The following TTI1 variants were observed in gnomAD, a reference collection of about 807,000 sequenced individuals.
The protein encoded by TTI1 is TELO2-interacting protein 1 homolog.
In TTI1, 52 loss-of-function variants were observed where a neutral mutation model predicts 85.4. The observed-to-expected ratio is 0.61, with a 90% CI of 0.49 to 0.77. The LOEUF (loss-of-function observed/expected upper bound fraction) is 0.77, where lower values mean the gene tolerates loss of function less well. Ranked by LOEUF, TTI1 falls within the 30% of genes least tolerant of loss-of-function variation. The pLI, the probability that TTI1 is intolerant of heterozygous loss-of-function variation, is 0.00. For synonymous variants in TTI1, 512 were observed against 503.9 expected, an observed-to-expected ratio of 1.02 and a Z score of -0.22; for missense variants, 1,173 against 1,296.0, an observed-to-expected ratio of 0.91 and a Z score of 1.46.
chr20:38,010,061 C>G (rs897734150), intron 2 of TTI1, among the ~76,000 whole-genome samples: 10 of 152,184 alleles, frequency 6.6e-5, no homozygotes, highest in Admixed American at 2.0e-4. Flanking sequence ...GTTTATTCGT[C>G]TTTTTCTCTG....
At position 38,011,595 on chromosome 20, in the gene TTI1, A is replaced by G; in HGVS notation, c.2222T>C (p.Val741Ala). ...LPLVADVVQD[V>A]LATLDQFYDK... ...GTAAAATTGGTCCAGGGTGGCCAAG[A>G]CATCTTGAACCACATCTGCCACCAA... Residue 741 changes from valine (V) to alanine (A), a missense_variant, in exon 2 of 8, where the codon GTC (valine) becomes GCC (alanine). Coordinates refer to ENST00000373447, the MANE Select transcript of TTI1 (RefSeq NM_001303457.2). 6.2e-7 allele frequency: 1 copy of G among 1,614,242 alleles called. No individual in the cohort carries two copies. The highest frequency in any genetic ancestry group is 8.5e-7 in the Non-Finnish European group (1 of 1,180,036).
At chr20:38,009,584 C>T (rs1028922725) in intron 2 of TTI1, among the ~76,000 whole-genome samples, 1 of 152,010 alleles carries the variant, frequency 6.6e-6, no homozygotes, top group Non-Finnish European at 1.5e-5. Context: ...TGGCTCACTG[C>T]AGCCCTGACC....
chr20:38,010,138 AG>A (rs1366662327), intron 2 of TTI1, among the ~76,000 whole-genome samples: 1 of 152,244 alleles, frequency 6.6e-6, no homozygotes, highest in Non-Finnish European at 1.5e-5. Flanking sequence ...TGAATGAAAA[AG>A]GAACATTTAT....
intron 4 of TTI1, among the ~76,000 whole-genome samples, chr20:38,000,010 G>A (rs2073398440): frequency 1.3e-5 from 2 of 152,220 alleles, no homozygotes; most frequent in Non-Finnish European, 2.9e-5. Context: ...GAAACAAAGA[G>A]GCCCTTTAGG....
Position 37,993,414 on chromosome 20 carries a change from A to G in TTI1, c.3086+2961T>C, listed in dbSNP as rs149780900. ...AGGCTATATTTAATATGGCAAATTA[A>G]AAAAGCAAACACTGGTTTGGTCATT... On this transcript the variant is annotated intron_variant, in intron 7 of 7. Coordinates refer to ENST00000373447, the MANE Select transcript of TTI1 (RefSeq NM_001303457.2). Among the ~76,000 whole-genome samples, 1,217 of 152,304 alleles carry G rather than the reference A, an allele frequency of 8.0e-3. 7 individuals are homozygous for G. Among genetic ancestry groups the G allele is most frequent in the African/African-American group, 0.023 (951 of 41,562 alleles).
chr20:38,020,350 A>ATATATATATG lies in TTI1; in HGVS notation c.-41-6494_-41-6493insCATATATATA, dbSNP rs1487473454. 2.4e-4 allele frequency among the ~76,000 whole-genome samples: 30 copies of ATATATATATG among 125,834 alleles called. 1 individual carries two copies. The East Asian group carries it at 3.5e-3, about 15-fold the overall frequency. 82.6% of individuals were successfully genotyped at this position (125,834 alleles called of 152,430 possible). A position where few individuals can be genotyped will look rare whatever the true frequency, so the allele number is the denominator to read the frequency against. ...TATATATATATATATATATATATAT[A>ATATATATATG]TATGTATGTATCTTGATTCCATCAC... is the stretch of plus-strand genomic sequence containing the variant. On this transcript the variant is annotated intron_variant, in intron 1 of 7. Transcript: ENST00000373447.
Position 38,011,936 on chromosome 20 carries a change from T to G in TTI1, c.1881A>C (p.Ile627=). ...ICSMNSNIWQ[I]CIQLEGIGQF... is the part of the protein sequence containing the mutation. ...GGCCAATTCCTTCCAACTGAATGCA[T>G]ATTTGCCAGATGTTACTGTTCATGG... Residue 627 remains isoleucine, a synonymous_variant, in exon 2 of 8, where the codon ATA becomes ATC. Coordinates refer to ENST00000373447, the MANE Select transcript of TTI1 (RefSeq NM_001303457.2). 6.2e-7 allele frequency: 1 copy of G among 1,614,254 alleles called. No individual in the cohort carries two copies. Among genetic ancestry groups the G allele is most frequent in the South Asian group, 1.1e-5 (1 of 91,088 alleles).
intron 1 of TTI1, 35 bp from the exon 2 acceptor site, chr20:38,013,892 G>C: frequency 1.3e-6 from 2 of 1,524,672 alleles, no homozygotes; most frequent in Non-Finnish European, 1.7e-6. Context: ...AAAATGTCAA[G>C]TTCAAAGCAA....
chr20:38,010,984 T>C (rs1158895995), intron 2 of TTI1, among the ~76,000 whole-genome samples: 2 of 152,216 alleles, frequency 1.3e-5, no homozygotes, highest in African/African-American at 4.8e-5. Flanking sequence ...ACGAACCACA[T>C]GTGTATAGTG....
intron 7 of TTI1, among the ~76,000 whole-genome samples, chr20:37,985,662 G>C (rs1600596794): frequency 6.6e-6 from 1 of 151,958 alleles, no homozygotes; most frequent in South Asian, 2.1e-4. Flanking sequence ...TGAGTAGCTG[G>C]GATTACAGGC....
In TTI1 at chr20:38,012,407, G is replaced by A; in HGVS notation, c.1410C>T (p.Arg470=). 6.2e-7 allele frequency: 1 copy of A among 1,614,214 alleles called. No individual in the cohort carries two copies. Among genetic ancestry groups the A allele is most frequent in the East Asian group, 2.2e-5 (1 of 44,890 alleles). Residue 470 remains arginine (R), a synonymous_variant, in exon 2 of 8, where the codon CGC becomes CGT. Coordinates refer to ENST00000373447, the MANE Select transcript of TTI1 (RefSeq NM_001303457.2). ...AGAAGCGGAAATATCTCCTCTGGAT[G>A]CGGTTCCAAGGCTGTGTGGCTGAGG... is the stretch of plus-strand genomic sequence containing the variant. ...PKTSATQPWN[R]IQRRYFRFFT...
intron 4 of TTI1, 124 bp downstream of exon 4, chr20:38,002,504 C>T: frequency 7.7e-7 from 1 of 1,306,170 alleles, no homozygotes; most frequent in Non-Finnish European, 1.0e-6. Flanking sequence ...GATGCCTTCT[C>T]TTGGCCACCA....
intron 2 of TTI1, 69 bp downstream of exon 2, chr20:38,011,446 A>G (rs147336295): frequency 1.1e-5 from 17 of 1,536,018 alleles, no homozygotes; most frequent in Non-Finnish European, 8.8e-7. Context: ...GCAAAAAACG[A>G]GGCTAAGCAA....
intron 1 of TTI1, among the ~76,000 whole-genome samples, chr20:38,017,767 T>C (rs2073706324): frequency 6.6e-6 from 1 of 152,168 alleles, no homozygotes; most frequent in South Asian, 2.1e-4. Context: ...TGTGAAGTAG[T>C]GGTAGGCTAA....
At chr20:38,003,765 A>T in intron 3 of TTI1, among the ~76,000 whole-genome samples, 1 of 152,184 alleles carries the variant, frequency 6.6e-6, no homozygotes, top group East Asian at 1.9e-4. Flanking sequence ...AAAAAAAAAA[A>T]AAAGGGAGAG....
rs970715352 is a variant in TTI1 at position 37,999,420 on chromosome 20, G to A, written c.2653-92C>T. Reference sequence around the variant, plus strand: ...TTTTCAAAGAATAACATTTAGAAACGTATTAATTGGATAATTGTTTTCTGA... The same window carrying A: ...TTTTCAAAGAATAACATTTAGAAACATATTAATTGGATAATTGTTTTCTGA... On this transcript the variant is annotated intron_variant, in intron 4 of 7. Transcript: ENST00000373447. The A allele has an allele frequency of 1.0e-5, 13 of 1,268,086 alleles. No individual in the cohort carries two copies. In the African/African-American group the frequency reaches 1.2e-4, roughly 12 times the overall value. The allele number at this position is 1,268,086 out of a possible 1,614,324, so 78.6% of individuals were successfully genotyped here.
intron 1 of TTI1, among the ~76,000 whole-genome samples, chr20:38,025,268 T>G (rs1219195279): frequency 6.6e-6 from 1 of 152,110 alleles, no homozygotes; most frequent in Non-Finnish European, 1.5e-5. Flanking sequence ...GAACTCAGAC[T>G]GAATGAAAAA....
chr20:38,009,692 G>A (rs1057186612), intron 2 of TTI1, among the ~76,000 whole-genome samples: 9 of 151,976 alleles, frequency 5.9e-5, no homozygotes, highest in African/African-American at 1.7e-4. Flanking sequence ...TAGTAGAGAC[G>A]AGGCCATACT....
At chr20:38,015,346 A>AT (rs2073667250) in intron 1 of TTI1, among the ~76,000 whole-genome samples, 1 of 152,188 alleles carries the variant, frequency 6.6e-6, no homozygotes, top group African/African-American at 2.4e-5. Context: ...GAAGCCAGAG[A>AT]AGGGAAGAAG....
Sources: gnomAD v4.1 joint callset for allele counts (sites outside exome capture counted in the v4.1 genomes callset) on GRCh38, gnomAD v4.1.1 for gene constraint, MANE v1.5 for transcripts, NCBI Gene and HGNC (gene_info 2026-07-23, HGNC 2026-07-21) for gene names.